SULT2A1: variants seen among roughly 807,000 people sequenced by gnomAD.
SULT2A1 encodes sulfotransferase family 2A member 1.
SULT2A1 carries 43 observed loss-of-function variants against 33.9 expected under a neutral mutation model. The observed-to-expected ratio is 1.27, with a 90% CI of 1.00 to 1.64. The LOEUF is 1.64. Ranked by LOEUF, SULT2A1 falls within the 40% of genes most tolerant of loss-of-function variation. SULT2A1 has a pLI of 0.00. For missense variants in SULT2A1, 300 were observed against 335.1 expected (o/e 0.90, Z 0.82); for synonymous variants, 125 against 113.6 (o/e 1.10, Z -0.64).
rs1968479814 is a variant in SULT2A1 at position 47,870,551 on chromosome 19, A to G, written c.*904T>C. 1 of 148,104 alleles carries G rather than the reference A, an allele frequency of 6.8e-6. No individual in the cohort carries two copies. Among genetic ancestry groups the G allele is most frequent in the Admixed American group, 6.8e-5 (1 of 14,800 alleles). 9.2% of individuals were successfully genotyped at this position (148,104 alleles called of 1,614,324 possible). A position where few individuals can be genotyped will look rare whatever the true frequency, so the allele number is the denominator to read the frequency against. ...ATTGCAAATTACACTCCTTAAGATC[A>G]GAGCAATAATAAATTGTGGAGATAC... On this transcript the variant is annotated 3_prime_UTR_variant, in exon 6 of 6. Transcript: ENST00000222002.
intron 3 of SULT2A1, among the ~76,000 whole-genome samples, chr19:47,879,903 T>A (rs1968585695): frequency 6.7e-6 from 1 of 149,660 alleles, no homozygotes; most frequent in Non-Finnish European, 1.5e-5. Context: ...GTTGTGCACA[T>A]GTACCCTAGA....
chr19:47,885,548 A>G (rs1968648018), intron 1 of SULT2A1, among the ~76,000 whole-genome samples: 1 of 151,964 alleles, frequency 6.6e-6, no homozygotes, highest in African/African-American at 2.4e-5. Context: ...CCCTCTTATT[A>G]TGTTCCCATT....
chr19:47,882,425 C>T (rs1409455838), intron 2 of SULT2A1, among the ~76,000 whole-genome samples: 1 of 152,132 alleles, frequency 6.6e-6, no homozygotes, highest in Non-Finnish European at 1.5e-5. Context: ...AAGGAAGCAT[C>T]GTTCCTTCCC....
intron 3 of SULT2A1, among the ~76,000 whole-genome samples, chr19:47,880,728 G>A (rs1304914127): frequency 2.0e-5 from 3 of 151,664 alleles, no homozygotes; most frequent in East Asian, 1.9e-4. Context: ...CTGAGACTAC[G>A]GGCACATGCC....
intron 5 of SULT2A1, among the ~76,000 whole-genome samples, 153 bp from the exon 6 acceptor site, chr19:47,871,720 A>C (rs1968494325): frequency 6.6e-6 from 1 of 152,116 alleles, no homozygotes; most frequent in African/African-American, 2.4e-5. Flanking sequence ...TTATTCACCT[A>C]GCTGGAAACA....
intron 5 of SULT2A1, among the ~76,000 whole-genome samples, chr19:47,871,845 C>T (rs922055608): frequency 6.6e-6 from 1 of 152,136 alleles, no homozygotes; most frequent in African/African-American, 2.4e-5. Context: ...TCTGTTTCTA[C>T]CACGTTGACT....
intron 2 of SULT2A1, 51 bp downstream of exon 2, chr19:47,883,526 T>C (rs1402852581): frequency 6.5e-7 from 1 of 1,547,030 alleles, no homozygotes; most frequent in Non-Finnish European, 8.9e-7. Context: ...TATAGGCATA[T>C]CAGTGTTTGA....
chr19:47,874,950 T>A lies in SULT2A1; in HGVS notation c.568-116A>T, dbSNP rs554517262. 7.3e-5 allele frequency: 64 copies of A among 880,178 alleles called. No homozygotes were observed. In the South Asian group the frequency reaches 1.0e-3, roughly 14 times the overall value. 54.5% of individuals were successfully genotyped at this position (880,178 alleles called of 1,614,324 possible). ...GCTGAGGCGGTTGGATCACTTGAGA[T>A]CAGGAGTTCGAGACTAGCCTGGCCA... On this transcript the variant is annotated intron_variant, in intron 4 of 5. Coordinates refer to ENST00000222002, the MANE Select transcript of SULT2A1 (RefSeq NM_003167.4).
intron 3 of SULT2A1, among the ~76,000 whole-genome samples, chr19:47,879,749 GT>G (rs1968583625): frequency 7.0e-6 from 1 of 142,426 alleles, no homozygotes; most frequent in Non-Finnish European, 1.5e-5. Context: ...TGGACACAGG[GT>G]GGGGAACATC....
rs780320337 is a variant in SULT2A1, at chr19:47,874,687, C to A, written c.715G>T (p.Val239Leu). 1.9e-6 allele frequency: 3 copies of A among 1,613,942 alleles called. No homozygotes were observed. The highest frequency in any genetic ancestry group is 2.2e-5 in the South Asian group (2 of 91,052). Residue 239 changes from valine to leucine, a missense_variant, in exon 5 of 6, where the codon GTA becomes TTA. By Grantham distance (32) the Val-to-Leu change is conservative. Coordinates refer to ENST00000222002, the MANE Select transcript of SULT2A1 (RefSeq NM_003167.4). ...SNYSLLSVDYVVDKAQLLRKG... is the reference protein window; with the variant it reads ...SNYSLLSVDYLVDKAQLLRKG... ...CTCAGAAGTTGTGCTTTGTCCACTACATAATCAACACTCAGGAGGGAATAA... is the reference window on the plus strand; with the variant it reads ...CTCAGAAGTTGTGCTTTGTCCACTAAATAATCAACACTCAGGAGGGAATAA...
At chr19:47,878,548 G>A (rs556095880) in intron 4 of SULT2A1, among the ~76,000 whole-genome samples, 11 of 124,660 alleles carry the variant, frequency 8.8e-5, no homozygotes, top group African/African-American at 3.2e-4. Context: ...GTGCTCTATC[G>A]CCCAGGCTAG....
intron 3 of SULT2A1, among the ~76,000 whole-genome samples, chr19:47,879,941 A>T (rs961553189): frequency 0.2 from 1,203 of 6,008 alleles, 10 homozygotes; most frequent in African/African-American, 0.41. Context: ...AAAAAAAATT[A>T]AAAAAAAAAC....
In SULT2A1 at chr19:47,873,039, G is replaced by A. The variant is rs571563565; in HGVS notation, c.746-1472C>T. ...GGTCTCTCAAAGTGCTGGGATTACA[G>A]GCGTGAGCCACCGTACCCGGCCAAC... On this transcript the variant is annotated intron_variant, in intron 5 of 5. Transcript: ENST00000222002. Among the ~76,000 whole-genome samples the A allele has an allele frequency of 1.3e-4, 20 of 150,850 alleles. No individual in the cohort carries two copies. The East Asian group carries it at 3.8e-3, about 28-fold the overall frequency.
At chr19:47,874,316 G>A (rs181570013) in intron 5 of SULT2A1, among the ~76,000 whole-genome samples, 9 of 152,106 alleles carry the variant, frequency 5.9e-5, no homozygotes, top group Non-Finnish European at 8.8e-5. Context: ...CGAGGTGGGC[G>A]GATCACAAGG....
At chr19:47,879,775 G>A (rs558489037) in intron 3 of SULT2A1, among the ~76,000 whole-genome samples, 3 of 123,388 alleles carry the variant, frequency 2.4e-5, no homozygotes, top group Non-Finnish European at 4.9e-5. Flanking sequence ...ACCGGGGCCT[G>A]TCATGGGGCG....
intron 4 of SULT2A1, among the ~76,000 whole-genome samples, chr19:47,878,596 A>G (rs1206445946): frequency 6.8e-6 from 1 of 147,378 alleles, no homozygotes; most frequent in African/African-American, 2.5e-5. Context: ...GGCTCACTGC[A>G]AACTCCACCT....
intron 4 of SULT2A1, among the ~76,000 whole-genome samples, chr19:47,875,258 T>A (rs892658267): frequency 1.3e-5 from 2 of 149,330 alleles, no homozygotes; most frequent in Non-Finnish European, 3.0e-5. Context: ...AGGAACAACA[T>A]GCAGATGTGA....
rs537547114 is a variant in SULT2A1, at chr19:47,871,056, A to C, written c.*399T>G. 7 of 163,690 alleles carry C rather than the reference A, an allele frequency of 4.3e-5. No homozygotes were observed. Among genetic ancestry groups the C allele is most frequent in the Non-Finnish European group, 9.2e-5 (7 of 75,798 alleles). 10.1% of individuals were successfully genotyped at this position (163,690 alleles called of 1,614,324 possible). On this transcript the variant is annotated 3_prime_UTR_variant, in exon 6 of 6. Coordinates refer to ENST00000222002, the MANE Select transcript of SULT2A1 (RefSeq NM_003167.4). ...ATAGGGTTTCATCATGTTGGCCAGG[A>C]TGGTCTCGATCTCCTGACCCCGTGA...
chr19:47,881,432 A>G (rs778009335), intron 3 of SULT2A1, among the ~76,000 whole-genome samples: 1 of 152,078 alleles, frequency 6.6e-6, no homozygotes, highest in Non-Finnish European at 1.5e-5. Context: ...TCGGCCTCCC[A>G]TAGTGTTGGG....
Sources: gnomAD v4.1 joint callset for allele counts (sites outside exome capture counted in the v4.1 genomes callset) on GRCh38, gnomAD v4.1.1 for gene constraint, MANE v1.5 for transcripts, NCBI Gene and HGNC (gene_info 2026-07-23, HGNC 2026-07-21) for gene names.